ITGAL: variants seen among roughly 807,000 people sequenced by gnomAD.
The protein encoded by ITGAL is integrin alpha-L.
ITGAL carries 68 observed loss-of-function variants against 138.4 expected under a neutral mutation model. That is an observed-to-expected ratio of 0.49 (90% CI 0.40 to 0.60). The LOEUF is 0.60. Among genes scored for constraint, ITGAL ranks in the 20% least tolerant of loss-of-function variants. The pLI is 0.00. For synonymous variants in ITGAL, 561 were observed against 584.3 expected (o/e 0.96, Z 0.57); for missense variants, 1,256 against 1,478.6 (o/e 0.85, Z 2.47).
At chr16:30,495,877 A>T (rs2050791719) in intron 13 of ITGAL, among the ~76,000 whole-genome samples, 1 of 152,018 alleles carries the variant, frequency 6.6e-6, no homozygotes, top group Non-Finnish European at 1.5e-5. Context: ...AAATGTATAT[A>T]TATATAAATG....
Position 30,494,255 on chromosome 16 carries a change from G to A in ITGAL, c.1257G>A (p.Leu419=), listed in dbSNP as rs1285131042. 1.2e-6 allele frequency: 2 copies of A among 1,612,514 alleles called. No homozygotes were observed. The highest frequency in any genetic ancestry group is 2.2e-5 in the East Asian group (1 of 44,868). ...TGCCCTCCCGGCAAAAGACTTCGTT[G>A]CTGGCCTCGGGAGCCCCTCGATACC... The part of the protein sequence containing the change: ...TWLPSRQKTS[L]LASGAPRYQH... Residue 419 remains leucine, a synonymous_variant, in exon 12 of 31, where the codon TTG becomes TTA. Coordinates refer to ENST00000356798, the MANE Select transcript of ITGAL (RefSeq NM_002209.3). The surrounding 1 kb of genome is among the most constrained non-coding windows in gnomAD (Gnocchi z 4.2).
chr16:30,486,556 A>G (rs2050649484), intron 9 of ITGAL, among the ~76,000 whole-genome samples: 1 of 152,218 alleles, frequency 6.6e-6, no homozygotes, highest in Non-Finnish European at 1.5e-5. Context: ...AAGCTGAGAT[A>G]TGAAAGATGA....
chr16:30,518,693 T>C lies in ITGAL; in HGVS notation c.3202T>C (p.Tyr1068His), dbSNP rs747807763. 9.3e-6 allele frequency: 15 copies of C among 1,613,640 alleles called. No homozygotes were observed. The highest frequency in any genetic ancestry group is 8.5e-7 in the Non-Finnish European group (1 of 1,179,740). ...CAACAGCAGCAAGCATTTCCACCTCTATGGCAGCAACGCCTCCCTGGCCCA... is the reference window on the plus strand; with the variant it reads ...CAACAGCAGCAAGCATTTCCACCTCCATGGCAGCAACGCCTCCCTGGCCCA... The part of the protein sequence containing the change: ...SFNSSKHFHL[Y>H]GSNASLAQVV... The change falls in exon 29 of 31, where the codon TAT (tyrosine) becomes CAT (histidine). Residue 1068 changes from tyrosine (Y) to histidine (H), a missense_variant. Transcript: ENST00000356798.
At chr16:30,504,103 A>G (rs1384501756) in intron 17 of ITGAL, 72 bp from the exon 18 acceptor site, 2 of 1,136,106 alleles carry the variant, frequency 1.8e-6, no homozygotes, top group East Asian at 4.7e-5. Context: ...AAATGCTGAC[A>G]AGGTATACAT....
At chr16:30,498,755 GC>G (rs1164822477) in intron 15 of ITGAL, 1 of 230,060 alleles carries the variant, frequency 4.3e-6, no homozygotes, top group South Asian at 9.2e-5. Flanking sequence ...TTTAAAGTTA[GC>G]CAGGTGTGGT....
chr16:30,510,781 CT>C (rs1207302220), intron 22 of ITGAL, 99 bp from the exon 23 acceptor site: 1 of 988,838 alleles, frequency 1.0e-6, no homozygotes, highest in Non-Finnish European at 1.6e-6. Flanking sequence ...GCAGTGAGCA[CT>C]TGATAAGGGG....
chr16:30,503,159 GA>G (rs372416628), intron 17 of ITGAL, among the ~76,000 whole-genome samples: 2 of 151,740 alleles, frequency 1.3e-5, no homozygotes, highest in African/African-American at 2.4e-5. Context: ...CACAAAACTA[GA>G]AAAAAAATAG....
rs1293394826 is a variant in ITGAL at position 30,499,120 on chromosome 16, G to C, written c.1879G>C (p.Ala627Pro). The C allele has an allele frequency of 1.2e-6, 2 of 1,614,072 alleles. No individual in the cohort carries two copies. The highest frequency in any genetic ancestry group is 1.7e-6 in the Non-Finnish European group (2 of 1,180,026). The change falls in exon 16 of 31, where the codon GCT becomes CCT. Residue 627 changes from alanine (A) to proline (P), a missense_variant. Ala to Pro is a conservative substitution (Grantham distance 27, BLOSUM62 -1). Transcript: ENST00000356798. ...GGTCACCCTGATGTCCTTCTCTCCA[G>C]CTGAGATCCCAGTGCATGAAGTGGA... Reference protein sequence around the residue: ...DMVTLMSFSPAEIPVHEVECS... With the variant: ...DMVTLMSFSPPEIPVHEVECS...
intron 26 of ITGAL, 109 bp downstream of exon 26, chr16:30,517,195 A>G (rs2051179716): frequency 1.4e-6 from 1 of 714,758 alleles, no homozygotes; most frequent in Admixed American, 2.5e-5. Flanking sequence ...TCTGCCTCCC[A>G]AATCCCAGCA....
At chr16:30,496,618 T>C in intron 15 of ITGAL, 52 bp downstream of exon 15, 1 of 1,465,670 alleles carries the variant, frequency 6.8e-7, no homozygotes, top group South Asian at 1.5e-5. Flanking sequence ...TTATCCTGTT[T>C]TGTTTATATT....
intron 30 of ITGAL, among the ~76,000 whole-genome samples, chr16:30,520,399 C>T (rs545543487): frequency 7.2e-5 from 11 of 152,136 alleles, no homozygotes; most frequent in Non-Finnish European, 1.3e-4. Context: ...GATGCCACTG[C>T]GCTCCAGCCT....
intron 15 of ITGAL, among the ~76,000 whole-genome samples, chr16:30,497,126 C>T (rs895944206): frequency 1.3e-5 from 2 of 151,990 alleles, no homozygotes; most frequent in Non-Finnish European, 1.5e-5. Flanking sequence ...GGGCGGATCA[C>T]GAGGTCAGGA....
Position 30,494,342 on chromosome 16 carries a change from C to G in ITGAL, c.1344C>G (p.Val448=), listed in dbSNP as rs760248973. ...AGGGCGGAGGACACTGGAGCCAGGT[C>G]CAGACAATCCATGGGACCCAGGTGC... is the stretch of plus-strand genomic sequence containing the variant. ...EPQGGGHWSQ[V]QTIHGTQIGS... Residue 448 remains valine, a synonymous_variant, in exon 12 of 31, where the codon GTC becomes GTG. Transcript: ENST00000356798. The surrounding 1 kb of genome is among the most constrained non-coding windows in gnomAD (Gnocchi z 4.2). 3 of 1,610,194 alleles carry G rather than the reference C, an allele frequency of 1.9e-6. No individual in the cohort carries two copies. Among genetic ancestry groups the G allele is most frequent in the East Asian group, 2.2e-5 (1 of 44,814 alleles).
chr16:30,512,793 A>G (rs1042682276), intron 24 of ITGAL, among the ~76,000 whole-genome samples: 13 of 151,790 alleles, frequency 8.6e-5, no homozygotes, highest in African/African-American at 3.1e-4. Flanking sequence ...CTCCTCCTCC[A>G]GGGTTCAAGC....
At chr16:30,506,911 C>T in intron 21 of ITGAL, 55 bp downstream of exon 21, 1 of 1,596,586 alleles carries the variant, frequency 6.3e-7, no homozygotes, top group Non-Finnish European at 8.6e-7. Flanking sequence ...ACACTGCCCC[C>T]TTCTTTGAGC....
intron 18 of ITGAL, 25 bp downstream of exon 18, chr16:30,504,289 TG>T (rs1850239384): frequency 1.3e-6 from 2 of 1,561,820 alleles, no homozygotes; most frequent in Non-Finnish European, 1.8e-6. Flanking sequence ...CTAGGGATGG[TG>T]GGGAGTTTAT....
intron 18 of ITGAL, chr16:30,504,987 C>T: frequency 3.7e-6 from 1 of 267,656 alleles, no homozygotes; most frequent in Admixed American, 5.1e-5. Flanking sequence ...TGCCACTGCA[C>T]TCCAGCCTGG....
intron 21 of ITGAL, 135 bp downstream of exon 21, chr16:30,506,991 G>T: frequency 2.1e-6 from 2 of 942,514 alleles, no homozygotes; most frequent in Non-Finnish European, 1.6e-6. Context: ...GTCATATCTG[G>T]GTTCCCAGCC....
At chr16:30,475,482 C>T (rs749133720) in intron 3 of ITGAL, 31 bp from the exon 4 acceptor site, 1 of 1,607,542 alleles carries the variant, frequency 6.2e-7, no homozygotes, top group South Asian at 1.1e-5. Flanking sequence ...ACTGCCTGAG[C>T]TCCTCCAGAC....
Sources: gnomAD v4.1 joint callset for allele counts (sites outside exome capture counted in the v4.1 genomes callset) on GRCh38, gnomAD v4.1.1 for gene constraint, Gnocchi (gnomAD v3.1) non-coding constraint, MANE v1.5 for transcripts, NCBI Gene and HGNC (gene_info 2026-07-23, HGNC 2026-07-21) for gene names.